Variants in ITPR3 observed in about 807,000 individuals in gnomAD.
ITPR3 encodes the protein inositol 1,4,5-trisphosphate receptor type 3.
A neutral mutation model predicts 293.2 loss-of-function variants in ITPR3; 173 were observed. The observed-to-expected ratio is 0.59, with a 90% CI of 0.52 to 0.67. ITPR3 has a LOEUF of 0.67. Among genes scored for constraint, ITPR3 ranks in the 30% least tolerant of loss-of-function variants. The pLI, the probability that ITPR3 is intolerant of heterozygous loss-of-function variation, is 0.00. For missense variants in ITPR3, 2,796 were observed against 3,592.1 expected (o/e 0.78, Z 5.66); for synonymous variants, 1,295 against 1,444.4 (o/e 0.90, Z 2.35).
chr6:33,662,712 C>T (rs746242891), intron 8 of ITPR3, 38 bp downstream of exon 8: 1 of 1,598,872 alleles, frequency 6.3e-7, no homozygotes, highest in Non-Finnish European at 8.5e-7. Context: ...CGGACTCAGC[C>T]TTGGATGCCA....
In ITPR3 at chr6:33,677,086, G is replaced by A; in HGVS notation, c.3519G>A (p.Lys1173=). Residue 1173 remains lysine (K), a synonymous_variant, in exon 27 of 58, where the codon AAG becomes AAA. Transcript: ENST00000605930. ...EKSSENYQIV[K]GILERLNKMC... ...GCAGTGAGAACTACCAGATCGTCAA[G>A]GGCGTGAGTGGCCAAGGGTCCTCGG... 1 of 1,614,004 alleles carries A rather than the reference G, an allele frequency of 6.2e-7. No homozygotes were observed.
At chr6:33,688,015 G>A (rs1432406961) in intron 46 of ITPR3, 42 bp from the exon 47 acceptor site, 1 of 1,513,942 alleles carries the variant, frequency 6.6e-7, no homozygotes. Context: ...CAGCCTGGAT[G>A]TGGAGGCTGG....
In ITPR3 at chr6:33,687,112, T is replaced by TGGGCAGGC. The variant is rs760427808; in HGVS notation, c.6075+15_6075+16insCGGGCAGG. 32 of 1,612,596 alleles carry TGGGCAGGC rather than the reference T, an allele frequency of 2.0e-5. No homozygotes were observed. Among genetic ancestry groups the TGGGCAGGC allele is most frequent in the Admixed American group, 1.0e-4 (6 of 59,962 alleles). ...CTGCGGCCCCAGGAGCTGGTGAGGC[T>TGGGCAGGC]GGGCAGGTGGGCAGGCGGGCGGAAC... On this transcript the variant is annotated intron_variant, in intron 44 of 57. Transcript: ENST00000605930. This position sits in a 1 kb window ranked among gnomAD's most constrained non-coding sequence, Gnocchi z 5.3.
At position 33,624,680 on chromosome 6, in the gene ITPR3, C is replaced by T. The variant is rs1276477143; in HGVS notation, c.89+2989C>T. Among the ~76,000 whole-genome samples, 2 of 152,210 alleles carry T rather than the reference C, an allele frequency of 1.3e-5. No individual in the cohort carries two copies. The highest frequency in any genetic ancestry group is 6.5e-5 in the Admixed American group (1 of 15,282). ...ACCCATAGGCTGATTTGACTGAATT[C>T]CTGGGCTAACCCAGTGCCCAGTGTG... On this transcript the variant is annotated intron_variant, in intron 1 of 57. Coordinates refer to ENST00000605930, the MANE Select transcript of ITPR3 (RefSeq NM_002224.4). The surrounding 1 kb of genome is among the most constrained non-coding windows in gnomAD (Gnocchi z 4.7).
Position 33,689,276 on chromosome 6 carries a change from A to T in ITPR3, c.6733A>T (p.Ile2245Phe), listed in dbSNP as rs762082298. 9.0e-5 allele frequency: 145 copies of T among 1,611,606 alleles called. No homozygotes were observed. Among genetic ancestry groups the T allele is most frequent in the Non-Finnish European group, 1.2e-4 (140 of 1,180,000 alleles). Residue 2245 changes from isoleucine to phenylalanine, a missense_variant, in exon 50 of 58, where the codon ATC (isoleucine) becomes TTC (phenylalanine). Ile to Phe is a conservative substitution (Grantham distance 21, BLOSUM62 0). Coordinates refer to ENST00000605930, the MANE Select transcript of ITPR3 (RefSeq NM_002224.4). Reference protein sequence around the residue: ...DSPLISLLFWILICFSIAALF... With the variant: ...DSPLISLLFWFLICFSIAALF... The stretch of plus-strand genomic sequence containing the variant: ...CCCTCTCATCTCATTGCTCTTCTGG[A>T]TCCTCATCTGCTTCTCCATCGCGGC...
intron 2 of ITPR3, among the ~76,000 whole-genome samples, chr6:33,646,495 A>T (rs1764070067): frequency 6.6e-6 from 1 of 151,776 alleles, no homozygotes; most frequent in Admixed American, 6.6e-5. Context: ...GAAAGATAGC[A>T]TTCTATATAC....
chr6:33,641,208 T>C (rs962924028), intron 2 of ITPR3, among the ~76,000 whole-genome samples: 4 of 152,176 alleles, frequency 2.6e-5, no homozygotes, highest in African/African-American at 9.7e-5. Context: ...CTGGCTGTCA[T>C]TATGCCAAGC....
At position 33,655,695 on chromosome 6, in the gene ITPR3, G is replaced by C; in HGVS notation, c.161-71G>C. 6.3e-7 allele frequency: 1 copy of C among 1,597,474 alleles called. No homozygotes were observed. The highest frequency in any genetic ancestry group is 1.3e-5 in the African/African-American group (1 of 74,708). On this transcript the variant is annotated intron_variant, in intron 2 of 57. Coordinates refer to ENST00000605930, the MANE Select transcript of ITPR3 (RefSeq NM_002224.4). The surrounding 1 kb of genome is among the most constrained non-coding windows in gnomAD (Gnocchi z 4.9). ...GTTGGGAGAGAAGAGCTGCAGGCTG[G>C]GGTTTTCTCCAGGGAGGGCCCTGAG... is the stretch of plus-strand genomic sequence containing the variant.
intron 28 of ITPR3, 56 bp downstream of exon 28, chr6:33,677,685 C>T: frequency 6.3e-7 from 1 of 1,593,090 alleles, no homozygotes; most frequent in African/African-American, 1.3e-5. Flanking sequence ...TGAACCCCGG[C>T]CTGACCTGTA....
intron 3 of ITPR3, 145 bp from the exon 4 acceptor site, chr6:33,657,787 G>A (rs1449987354): frequency 3.1e-6 from 2 of 649,982 alleles, no homozygotes; most frequent in African/African-American, 1.9e-5. Context: ...TGGGGCAGGG[G>A]TCCAAGGGGT....
chr6:33,661,993 A>G (rs998331400), intron 7 of ITPR3, among the ~76,000 whole-genome samples: 3 of 40,428 alleles, frequency 7.4e-5, no homozygotes, highest in Non-Finnish European at 1.0e-4. Flanking sequence ...ACTGTCTCTG[A>G]AAAAAAAAAA....
rs1183856768 is a variant in ITPR3 at position 33,640,549 on chromosome 6, T to G, written c.155T>G (p.Phe52Cys). ...GACCTGGACAACCCCCCTAAGAAGT[T>G]CCGTGGTAAGACCTCCGCTTCCTCT... ...AGDLDNPPKK[F>C]RDCLFKVCPM... is the part of the protein sequence containing the mutation. The change falls in exon 2 of 58, where the codon TTC (phenylalanine) becomes TGC (cysteine). Residue 52 changes from phenylalanine to cysteine, a missense_variant. Coordinates refer to ENST00000605930, the MANE Select transcript of ITPR3 (RefSeq NM_002224.4). The G allele has an allele frequency of 6.2e-7, 1 of 1,612,790 alleles. No homozygotes were observed. Among genetic ancestry groups the G allele is most frequent in the Admixed American group, 1.7e-5 (1 of 59,804 alleles).
rs1193411663 is a variant in ITPR3 at position 33,670,913 on chromosome 6, G to C, written c.2586+98G>C. The C allele has an allele frequency of 2.0e-6, 3 of 1,468,876 alleles. No homozygotes were observed. The highest frequency in any genetic ancestry group is 1.8e-6 in the Non-Finnish European group (2 of 1,082,026). The allele number at this position is 1,468,876 out of a possible 1,614,324, so 91.0% of individuals were successfully genotyped here. A position where few individuals can be genotyped will look rare whatever the true frequency, so the allele number is the denominator to read the frequency against. On this transcript the variant is annotated intron_variant, in intron 20 of 57. Coordinates refer to ENST00000605930, the MANE Select transcript of ITPR3 (RefSeq NM_002224.4). The surrounding 1 kb of genome is among the most constrained non-coding windows in gnomAD (Gnocchi z 6.7). ...CCCAGGAGTCGGCTGTGGGATCCAT[G>C]ACCCCACTTCCTTCTGTGTCCCCAG... is the stretch of plus-strand genomic sequence containing the variant.
At position 33,691,818 on chromosome 6, in the gene ITPR3, A is replaced by G; in HGVS notation, c.7348A>G (p.Ser2450Gly). 3 of 1,614,150 alleles carry G rather than the reference A, an allele frequency of 1.9e-6. No individual in the cohort carries two copies. Among genetic ancestry groups the G allele is most frequent in the South Asian group, 2.2e-5 (2 of 91,076 alleles). ...GCTTGCAGAGGACAGGGAGCTGGACAGCACAGAGCGGGCCTGTGACACTCT... is the reference window on the plus strand; with the variant it reads ...GCTTGCAGAGGACAGGGAGCTGGACGGCACAGAGCGGGCCTGTGACACTCT... ...EVLEEDRELD[S>G]TERACDTLLM... Residue 2450 changes from serine to glycine, a missense_variant, in exon 54 of 58, where the codon AGC becomes GGC. By Grantham distance (56) the Ser-to-Gly change is moderately conservative (BLOSUM62 0). Coordinates refer to ENST00000605930, the MANE Select transcript of ITPR3 (RefSeq NM_002224.4). This position sits in a 1 kb window ranked among gnomAD's most constrained non-coding sequence, Gnocchi z 4.9.
At position 33,672,260 on chromosome 6, in the gene ITPR3, G is replaced by C. The variant is rs753018442; in HGVS notation, c.2928+32G>C. The C allele has an allele frequency of 1.9e-6, 3 of 1,595,524 alleles. No individual in the cohort carries two copies. The highest frequency in any genetic ancestry group is 2.6e-6 in the Non-Finnish European group (3 of 1,164,902). On this transcript the variant is annotated intron_variant, in intron 22 of 57. Coordinates refer to ENST00000605930, the MANE Select transcript of ITPR3 (RefSeq NM_002224.4). The surrounding 1 kb of genome is among the most constrained non-coding windows in gnomAD (Gnocchi z 5.0). ...GGGCCAGGACCGTGTGGGAGGTGTT[G>C]GGTATAGGGGGAGGGTAATGGGGCG...
chr6:33,630,196 T>C (rs1336066117), intron 1 of ITPR3, among the ~76,000 whole-genome samples: 1 of 152,232 alleles, frequency 6.6e-6, no homozygotes, highest in Non-Finnish European at 1.5e-5. Flanking sequence ...CATCTCCTTT[T>C]CCACCATGAA....
rs373099512 is a variant in ITPR3 at position 33,659,125 on chromosome 6, G to C, written c.627+6G>C. On this transcript the variant is annotated splice_donor_region_variant and intron_variant, in intron 6 of 57. Coordinates refer to ENST00000605930, the MANE Select transcript of ITPR3 (RefSeq NM_002224.4). ...ACAACGCCGGCTGCAAGGAGGTGAG[G>C]GGGTGGGGGGTCAGCCATGCAGTGC... 180 of 1,613,168 alleles carry C rather than the reference G, an allele frequency of 1.1e-4. No homozygotes were observed. The African/African-American group carries it at 1.7e-3, about 15-fold the overall frequency.
chr6:33,673,048 G>C (rs1764810494), intron 22 of ITPR3, among the ~76,000 whole-genome samples: 1 of 152,136 alleles, frequency 6.6e-6, no homozygotes, highest in African/African-American at 2.4e-5. Flanking sequence ...GGCCTTCCAT[G>C]TCTGCATCCT....
rs1491122720 is a variant in ITPR3, at chr6:33,637,814, T to TC, written c.90-2670_90-2669insC. On this transcript the variant is annotated intron_variant, in intron 1 of 57. Transcript: ENST00000605930. Reference sequence around the variant, plus strand: ...ACCCGGCTAATTTTTTCTTTCTTTCTTTTTTTTTTTTTTTAGTAGAGATGG... The same window carrying TC: ...ACCCGGCTAATTTTTTCTTTCTTTCTCTTTTTTTTTTTTTTAGTAGAGATGG... Among the ~76,000 whole-genome samples the TC allele has an allele frequency of 6.1e-3, 571 of 93,832 alleles. 4 individuals carry two copies. Among genetic ancestry groups the TC allele is most frequent in the African/African-American group, 0.019 (539 of 28,128 alleles). 61.6% of individuals were successfully genotyped at this position (93,832 alleles called of 152,430 possible). A position where few individuals can be genotyped will look rare whatever the true frequency, so the allele number is the denominator to read the frequency against.
Sources: allele counts gnomAD v4.1 joint callset (sites outside exome capture counted in the v4.1 genomes callset), GRCh38; gene constraint gnomAD v4.1.1; non-coding constraint Gnocchi (gnomAD v3.1); transcripts MANE v1.5; gene names NCBI Gene and HGNC (gene_info 2026-07-23, HGNC 2026-07-21).